Variants in TTC38 observed in about 807,000 individuals in gnomAD.
TTC38 encodes tetratricopeptide repeat protein 38.
A neutral mutation model predicts 64.2 loss-of-function variants in TTC38; 64 were observed. The ratio of observed to expected loss-of-function variants is 1.00; its 90% confidence interval spans 0.81 to 1.23. TTC38 has a LOEUF of 1.23. TTC38 is among the 50% of genes most tolerant of loss of function. The pLI is 0.00. For missense variants in TTC38, 573 were observed against 615.5 expected, an observed-to-expected ratio of 0.93 and a Z score of 0.73; for synonymous variants, 254 against 249.3, an observed-to-expected ratio of 1.02 and a Z score of -0.18.
intron 8 of TTC38, among the ~76,000 whole-genome samples, chr22:46,284,681 G>C (rs757873523): frequency 6.6e-6 from 1 of 151,954 alleles, no homozygotes; most frequent in Non-Finnish European, 1.5e-5. Flanking sequence ...GAGTTTGAGA[G>C]CAGCCTGGGC....
chr22:46,278,634 C>T lies in TTC38; in HGVS notation c.588C>T (p.Tyr196=), dbSNP rs763939307. The change falls in exon 6 of 14, where the codon TAC becomes TAT. Residue 196 remains tyrosine, a synonymous_variant. Coordinates refer to ENST00000381031, the MANE Select transcript of TTC38 (RefSeq NM_017931.4). ...TTGGCTTGATGGAAACCAACTTCTA[C>T]GACCAGGCAGAAAAACTCGCCAAAG... ...YSFGLMETNF[Y]DQAEKLAKEA... is the part of the protein sequence containing the mutation. The T allele has an allele frequency of 9.2e-5, 149 of 1,614,140 alleles. No individual in the cohort carries two copies. Among genetic ancestry groups the T allele is most frequent in the Non-Finnish European group, 1.1e-4 (135 of 1,180,008 alleles).
chr22:46,281,574 A>G lies in TTC38; in HGVS notation c.616-25A>G. 1.2e-6 allele frequency: 2 copies of G among 1,612,652 alleles called. No homozygotes were observed. The highest frequency in any genetic ancestry group is 1.7e-6 in the Non-Finnish European group (2 of 1,179,084). ...GCCTGACTGATCTGCTTTATCTGGA[A>G]TCCTCTTCCCCGCACCCTGCGTAGG... On this transcript the variant is annotated intron_variant, in intron 6 of 13. Coordinates refer to ENST00000381031, the MANE Select transcript of TTC38 (RefSeq NM_017931.4). This position sits in a 1 kb window ranked among gnomAD's most constrained non-coding sequence, Gnocchi z 5.2.
chr22:46,273,748 A>T lies in TTC38; in HGVS notation c.194-150A>T. The T allele has an allele frequency of 2.8e-6, 2 of 702,982 alleles. No individual in the cohort carries two copies. The allele number at this position is 702,982 out of a possible 1,614,324, so 43.5% of individuals were successfully genotyped here. On this transcript the variant is annotated intron_variant, in intron 3 of 13. Coordinates refer to ENST00000381031, the MANE Select transcript of TTC38 (RefSeq NM_017931.4). This position sits in a 1 kb window ranked among gnomAD's most constrained non-coding sequence, Gnocchi z 5.1. ...TTGACAAGAGCCGAGGCTGAGTTCT[A>T]GACAGTAGGCAGGGCCACAGTGCCC...
intron 8 of TTC38, among the ~76,000 whole-genome samples, chr22:46,284,887 A>G (rs1007889248): frequency 2.8e-4 from 42 of 151,872 alleles, no homozygotes; most frequent in Non-Finnish European, 4.0e-4. Flanking sequence ...AAAAAAAAAA[A>G]AAAGAAAAAG....
chr22:46,286,707 C>T (rs930055903), intron 9 of TTC38, among the ~76,000 whole-genome samples: 14 of 152,112 alleles, frequency 9.2e-5, no homozygotes, highest in East Asian at 1.9e-4. Context: ...TGACATACAC[C>T]GTGAGCTCGA....
At chr22:46,279,025 T>C (rs751757040) in intron 6 of TTC38, among the ~76,000 whole-genome samples, 5 of 152,236 alleles carry the variant, frequency 3.3e-5, no homozygotes, top group Non-Finnish European at 7.3e-5. Flanking sequence ...ACTGCCCTGC[T>C]GGGACAGGAC....
intron 11 of TTC38, 96 bp from the exon 12 acceptor site, chr22:46,289,306 T>C: frequency 6.8e-7 from 1 of 1,472,188 alleles, no homozygotes. Flanking sequence ...TGTCAGGCAC[T>C]GGACCAGGGA....
intron 9 of TTC38, among the ~76,000 whole-genome samples, 162 bp from the exon 10 acceptor site, chr22:46,286,911 C>T (rs1161855904): frequency 6.6e-6 from 1 of 152,194 alleles, no homozygotes; most frequent in Non-Finnish European, 1.5e-5. Context: ...GTCTACACCC[C>T]AGGCAAGGGT....
rs1461223280 is a variant in TTC38 at position 46,271,292 on chromosome 22, G to A, written c.112-1043G>A. ...GTCTCACTCTGTCGCCCAGGCTGGA[G>A]TGCAGTGGCGCCTGGGTTCACGCCA... On this transcript the variant is annotated intron_variant, in intron 2 of 13. Coordinates refer to ENST00000381031, the MANE Select transcript of TTC38 (RefSeq NM_017931.4). The surrounding 1 kb of genome is among the most constrained non-coding windows in gnomAD (Gnocchi z 5.5). 1.3e-5 allele frequency among the ~76,000 whole-genome samples: 2 copies of A among 151,708 alleles called. No individual in the cohort carries two copies. Among genetic ancestry groups the A allele is most frequent in the African/African-American group, 4.8e-5 (2 of 41,320 alleles).
At chr22:46,286,479 G>A (rs2077572332) in intron 9 of TTC38, among the ~76,000 whole-genome samples, 1 of 151,972 alleles carries the variant, frequency 6.6e-6, no homozygotes. Context: ...TGGCCAACGT[G>A]GTGAAATCCC....
chr22:46,279,135 A>T (rs1255885887), intron 6 of TTC38, among the ~76,000 whole-genome samples: 3 of 152,188 alleles, frequency 2.0e-5, no homozygotes, highest in African/African-American at 7.2e-5. Context: ...GAGCTGAGTG[A>T]TGATCGCCAG....
intron 6 of TTC38, 122 bp downstream of exon 6, chr22:46,278,783 C>T: frequency 1.2e-6 from 1 of 822,544 alleles, no homozygotes; most frequent in Non-Finnish European, 2.1e-6. Context: ...CTCACTTCCT[C>T]AGAGAGACTG....
In TTC38 at chr22:46,293,021, C is replaced by T. The variant is rs1038200357; in HGVS notation, c.*137C>T. ...TGTTAGAGGGTGATCTTCAGTTTTA[C>T]AGGAAGTGGGTCACGGGTTAATTTT... is the stretch of plus-strand genomic sequence containing the variant. On this transcript the variant is annotated 3_prime_UTR_variant, in exon 14 of 14. Transcript: ENST00000381031. The surrounding 1 kb of genome is among the most constrained non-coding windows in gnomAD (Gnocchi z 6.6). The T allele has an allele frequency of 4.7e-6, 3 of 635,670 alleles. No homozygotes were observed. The highest frequency in any genetic ancestry group is 8.4e-6 in the Non-Finnish European group (3 of 356,550). The allele number at this position is 635,670 out of a possible 1,614,324, so 39.4% of individuals were successfully genotyped here. A position where few individuals can be genotyped will look rare whatever the true frequency, so the allele number is the denominator to read the frequency against.
rs536662956 is a variant in TTC38, at chr22:46,275,361, A to C, written c.479A>C (p.Gln160Pro). Residue 160 changes from glutamine to proline, a missense_variant, in exon 5 of 14, where the codon CAG becomes CCG. By Grantham distance (76) the Gln-to-Pro change is moderately conservative (BLOSUM62 -1). This residue lies in a region of TTC38 where 68 missense variants were observed against 107.3 expected (regional missense o/e 0.63). Coordinates refer to ENST00000381031, the MANE Select transcript of TTC38 (RefSeq NM_017931.4). This position sits in a 1 kb window ranked among gnomAD's most constrained non-coding sequence, Gnocchi z 4.5. The part of the protein sequence containing the change: ...DAYFYLGYQE[Q>P]MRDSVARIYP... ...TATTTTTACCTGGGCTATCAGGAACAGATGAGAGATTCTGTTGCTCGAATT... is the reference window on the plus strand; with the variant it reads ...TATTTTTACCTGGGCTATCAGGAACCGATGAGAGATTCTGTTGCTCGAATT... The C allele has an allele frequency of 6.2e-7, 1 of 1,614,202 alleles. No homozygotes were observed. Among genetic ancestry groups the C allele is most frequent in the African/African-American group, 1.3e-5 (1 of 75,060 alleles).
chr22:46,280,367 G>A (rs976969150), intron 6 of TTC38: 3 of 352,952 alleles, frequency 8.5e-6, no homozygotes, highest in Non-Finnish European at 1.7e-5. Flanking sequence ...GGATTCTGCT[G>A]GGCCTTGTAG....
chr22:46,287,178 G>A (rs1302365294), intron 10 of TTC38, 24 bp downstream of exon 10: 2 of 1,580,884 alleles, frequency 1.3e-6, no homozygotes, highest in Non-Finnish European at 1.7e-6. Context: ...CAGCCCCACT[G>A]GCTTCTGCCT....
rs1275174466 is a variant in TTC38, at chr22:46,288,490, C to A, written c.984C>A (p.Ile328=). 2 of 1,614,040 alleles carry A rather than the reference C, an allele frequency of 1.2e-6. No homozygotes were observed. Among genetic ancestry groups the A allele is most frequent in the Non-Finnish European group, 1.7e-6 (2 of 1,179,908 alleles). The change falls in exon 11 of 14, where the codon ATC becomes ATA. Residue 328 remains isoleucine (I), a synonymous_variant. Transcript: ENST00000381031. ...PVARKHSRDH[I]LLFNDAHFLM... ...CCCGGAAGCACAGCCGAGACCACAT[C>A]CTGCTGTTCAATGACGCACACTTCC...
At chr22:46,268,176 G>T (rs923932119) in intron 1 of TTC38, 104 bp downstream of exon 1, 2 of 1,340,670 alleles carry the variant, frequency 1.5e-6, no homozygotes, top group Non-Finnish European at 2.0e-6. Flanking sequence ...CGCGGGGCGT[G>T]GGGTGAGCCC....
At chr22:46,280,298 G>A (rs1237850163) in intron 6 of TTC38, 1 of 428,286 alleles carries the variant, frequency 2.3e-6, no homozygotes, top group African/African-American at 2.1e-5. Context: ...GGAGGCTTAG[G>A]GAGGAGGCGG....
Sources: gnomAD v4.1 joint callset for allele counts (sites outside exome capture counted in the v4.1 genomes callset) on GRCh38, gnomAD v4.1.1 for gene constraint, gnomAD v4.1.1 regional missense constraint, Gnocchi (gnomAD v3.1) non-coding constraint, MANE v1.5 for transcripts, NCBI Gene and HGNC (gene_info 2026-07-23, HGNC 2026-07-21) for gene names.